Variants in POU2F3 observed in about 807,000 individuals in gnomAD.
The protein encoded by POU2F3 is POU class 2 homeobox 3, also known as POU domain, class 2, transcription factor 3.
A neutral mutation model predicts 59.2 loss-of-function variants in POU2F3; 23 were observed. That is an observed-to-expected ratio of 0.39 (90% CI 0.28 to 0.55). POU2F3 has a LOEUF of 0.55. POU2F3 is among the 20% of genes least tolerant of loss of function. The probability of loss-of-function intolerance (pLI) is 0.66; values close to 1 mark genes in which losing one functional copy is unlikely to be tolerated. For missense variants in POU2F3, 473 were observed against 544.5 expected (o/e 0.87, Z 1.31); for synonymous variants, 190 against 214.6 (o/e 0.89, Z 1.00).
At chr11:120,236,917 G>C (rs949531933), upstream of POU2F3, among the ~76,000 whole-genome samples, 2 of 152,198 alleles carry the variant, frequency 1.3e-5, no homozygotes, top group African/African-American at 4.8e-5. Context: ...CCATATGTTT[G>C]TTCTGTTTTC....
chr11:120,253,917 C>A (rs138087539), intron 2 of POU2F3, among the ~76,000 whole-genome samples: 3,348 of 152,224 alleles, frequency 0.022, 55 homozygotes, highest in Non-Finnish European at 0.035. Flanking sequence ...GATGGGAGAC[C>A]CAGCAGGAGA....
intron 5 of POU2F3, among the ~76,000 whole-genome samples, chr11:120,300,526 G>A (rs913767794): frequency 3.3e-5 from 5 of 152,152 alleles, no homozygotes; most frequent in Non-Finnish European, 7.3e-5. Context: ...CACTTTGGGA[G>A]GCCGAGGTGG....
intron 2 of POU2F3, among the ~76,000 whole-genome samples, chr11:120,259,959 T>C (rs1324319887): frequency 6.6e-6 from 1 of 152,242 alleles, no homozygotes; most frequent in Non-Finnish European, 1.5e-5. Flanking sequence ...CTCCATTTGT[T>C]CTGGTGGCTG....
chr11:120,263,627 T>C (rs888890654), intron 2 of POU2F3, among the ~76,000 whole-genome samples: 7 of 152,150 alleles, frequency 4.6e-5, no homozygotes, highest in African/African-American at 1.7e-4. Context: ...ACTGTGTGAG[T>C]TTGGTAGTTA....
chr11:120,240,200 G>A lies in POU2F3; in HGVS notation c.-144G>A. 1 of 1,237,926 alleles carries A rather than the reference G, an allele frequency of 8.1e-7. No individual in the cohort carries two copies. 76.7% of individuals were successfully genotyped at this position (1,237,926 alleles called of 1,614,324 possible). Reference sequence around the variant, plus strand: ...GGCCGGAGCAGCGGAGCGCGCGACAGTGGCGGCGACGGCTCCGGCAGCGGC... The same window carrying A: ...GGCCGGAGCAGCGGAGCGCGCGACAATGGCGGCGACGGCTCCGGCAGCGGC... On this transcript the variant is annotated 5_prime_UTR_variant, in exon 1 of 13. In the 5' UTR this introduces an upstream ATG that the reference lacks. Coordinates refer to ENST00000543440, the MANE Select transcript of POU2F3 (RefSeq NM_014352.4).
intron 11 of POU2F3, among the ~76,000 whole-genome samples, chr11:120,316,411 C>A (rs1385981357): frequency 2.6e-5 from 4 of 152,144 alleles, no homozygotes; most frequent in Admixed American, 1.3e-4. Context: ...ACTCCCAGTT[C>A]ATTGTTCTTT....
At chr11:120,286,850 G>A (rs1028153438) in intron 3 of POU2F3, among the ~76,000 whole-genome samples, 2 of 151,546 alleles carry the variant, frequency 1.3e-5, no homozygotes, top group Admixed American at 1.3e-4. Flanking sequence ...TGATGTCCGC[G>A]CAGAGTATTA....
intron 2 of POU2F3, 34 bp downstream of exon 2, chr11:120,246,551 T>TGGGGGG: frequency 1.3e-6 from 2 of 1,547,778 alleles, no homozygotes; most frequent in Non-Finnish European, 1.8e-6. Flanking sequence ...ATGGAGGGGG[T>TGGGGGG]GGGGGGAAGA....
chr11:120,286,955 G>C (rs1166237183), intron 3 of POU2F3, among the ~76,000 whole-genome samples: 1 of 152,084 alleles, frequency 6.6e-6, no homozygotes, highest in African/African-American at 2.4e-5. Context: ...TGGACCACAA[G>C]CAGGGTCCTG....
At chr11:120,283,771 T>TTG (rs1259483743) in intron 3 of POU2F3, among the ~76,000 whole-genome samples, 3 of 98,066 alleles carry the variant, frequency 3.1e-5, no homozygotes, top group South Asian at 4.5e-4. Flanking sequence ...TTAATAGGCT[T>TTG]CGTGTGTGTG....
chr11:120,274,038 G>A lies in POU2F3; in HGVS notation c.132+4794G>A, dbSNP rs1200572006. Among the ~76,000 whole-genome samples the A allele has an allele frequency of 4.7e-5, 7 of 148,336 alleles. No homozygotes were observed. The East Asian group carries it at 1.4e-3, about 29-fold the overall frequency. On this transcript the variant is annotated intron_variant, in intron 3 of 12. Transcript: ENST00000543440. ...GTCTCAAAAAAAGAAAAAAAAGAGA[G>A]AGAGAGAAAGGAAAGAAAGAAAGAG... is the stretch of plus-strand genomic sequence containing the variant.
At chr11:120,259,088 A>G (rs770988535) in intron 2 of POU2F3, 1 of 152,246 alleles carries the variant, frequency 6.6e-6, no homozygotes, top group Non-Finnish European at 1.5e-5. Flanking sequence ...CCCCTGTGGC[A>G]TGGCCCTAGC....
chr11:120,293,549 G>A (rs1340900053), intron 3 of POU2F3, among the ~76,000 whole-genome samples: 1 of 152,218 alleles, frequency 6.6e-6, no homozygotes. Context: ...ATTGAAGGCA[G>A]GTTGGGAGAT....
At chr11:120,293,946 G>A (rs908230083) in intron 3 of POU2F3, among the ~76,000 whole-genome samples, 9 of 152,110 alleles carry the variant, frequency 5.9e-5, no homozygotes, top group African/African-American at 1.4e-4. Context: ...GAGTTCTGCC[G>A]GGGTATTGCT....
chr11:120,284,723 C>T (rs1404212791), intron 3 of POU2F3, among the ~76,000 whole-genome samples: 1 of 152,204 alleles, frequency 6.6e-6, no homozygotes, highest in Non-Finnish European at 1.5e-5. Flanking sequence ...TCCAGTGACA[C>T]ATGACATCAC....
At chr11:120,240,006 C>G (rs938833704), upstream of POU2F3, among the ~76,000 whole-genome samples, 1 of 152,126 alleles carries the variant, frequency 6.6e-6, no homozygotes, top group Non-Finnish European at 1.5e-5. Flanking sequence ...CCGGCAGCAC[C>G]CCCGGCCCCC....
upstream of POU2F3, chr11:120,236,815 A>C: frequency 3.5e-6 from 4 of 1,150,654 alleles, no homozygotes; most frequent in Admixed American, 2.0e-5. Flanking sequence ...CCTCAACCCT[A>C]TACACAGGTG....
intron 2 of POU2F3, chr11:120,250,495 T>G (rs1939051310): frequency 6.6e-6 from 1 of 152,218 alleles, no homozygotes; most frequent in Admixed American, 6.5e-5. Flanking sequence ...GAGCAGGTAT[T>G]ATTAGCCTAC....
chr11:120,298,272 C>T lies in POU2F3; in HGVS notation c.140C>T (p.Thr47Ile). The T allele has an allele frequency of 1.2e-6, 2 of 1,612,440 alleles. No individual in the cohort carries two copies. The highest frequency in any genetic ancestry group is 1.7e-6 in the Non-Finnish European group (2 of 1,179,380). The change falls in exon 4 of 13, where the codon ACC becomes ATC. Residue 47 changes from threonine to isoleucine, a missense_variant. Transcript: ENST00000543440. ...TCTTGCTTCCACTTGCAGATTAAAA[C>T]CGAAGATCTCAGTGACTCCCTGCAG... ...NGLDFNRQIK[T>I]EDLSDSLQQT...
Sources: allele counts gnomAD v4.1 joint callset (sites outside exome capture counted in the v4.1 genomes callset), GRCh38; gene constraint gnomAD v4.1.1; transcripts MANE v1.5; gene names NCBI Gene and HGNC (gene_info 2026-07-23, HGNC 2026-07-21).